Variants in CTBP1 observed in about 807,000 individuals in gnomAD.
The protein encoded by CTBP1 is C-terminal binding protein 1.
In CTBP1, 11 loss-of-function variants were observed where a neutral mutation model predicts 42.1. The ratio of observed to expected loss-of-function variants is 0.26; its 90% CI spans 0.16 to 0.43. CTBP1 has a LOEUF of 0.43. Ranked by LOEUF, CTBP1 falls within the 20% of genes least tolerant of loss-of-function variation. The pLI, the probability that CTBP1 is intolerant of heterozygous loss-of-function variation, is 1.00. For synonymous variants in CTBP1, 324 were observed against 277.1 expected (o/e 1.17, Z -1.68); for missense variants, 399 against 624.3 (o/e 0.64, Z 3.85).
intron 5 of CTBP1, among the ~76,000 whole-genome samples, chr4:1,220,125 C>T (rs968813223): frequency 6.6e-6 from 1 of 151,548 alleles, no homozygotes; most frequent in African/African-American, 2.4e-5. Flanking sequence ...TTGCTTGAAC[C>T]CAGGAAGTGG....
intron 2 of CTBP1, among the ~76,000 whole-genome samples, chr4:1,239,899 CAT>C (rs1464637432): frequency 6.6e-6 from 1 of 152,240 alleles, no homozygotes; most frequent in Non-Finnish European, 1.5e-5. Flanking sequence ...CCACGAGCAC[CAT>C]AGACAGGCCG....
chr4:1,243,435 G>T, intron 1 of CTBP1: 12 of 985,372 alleles, frequency 1.2e-5, no homozygotes, highest in Non-Finnish European at 1.4e-5. Flanking sequence ...ACTTCCTGTG[G>T]TTCCTTGTTC....
In CTBP1 at chr4:1,212,207, C is replaced by A. The variant is rs998478862; in HGVS notation, c.*33G>T. The stretch of plus-strand genomic sequence containing the variant: ...GGTCCGAGGGTTTCCGGGCCCTCTG[C>A]CCAGGCGCCGAGGCTGGAGAGCTCC... On this transcript the variant is annotated 3_prime_UTR_variant, in exon 10 of 10. Transcript: ENST00000382952. 2 of 1,408,550 alleles carry A rather than the reference C, an allele frequency of 1.4e-6. No homozygotes were observed. Among genetic ancestry groups the A allele is most frequent in the Non-Finnish European group, 1.9e-6 (2 of 1,077,038 alleles). The allele number at this position is 1,408,550 out of a possible 1,614,324, so 87.3% of individuals were successfully genotyped here.
chr4:1,225,024 C>T (rs1467582792), intron 5 of CTBP1, among the ~76,000 whole-genome samples: 3 of 151,216 alleles, frequency 2.0e-5, no homozygotes, highest in African/African-American at 7.3e-5. Flanking sequence ...CCATGAAGCC[C>T]ATGTGAGTGC....
At position 1,215,979 on chromosome 4, in the gene CTBP1, G is replaced by C. The variant is rs1273027967; in HGVS notation, c.729+12C>G. ...CGCAGAAGTAGAGTCCTGTGTCCCC[G>C]GCTCCACGCACCTGCTTGACGGTGA... is the stretch of plus-strand genomic sequence containing the variant. On this transcript the variant is annotated intron_variant, in intron 6 of 9. Transcript: ENST00000382952. The C allele has an allele frequency of 6.9e-6, 11 of 1,601,624 alleles. No homozygotes were observed. Among genetic ancestry groups the C allele is most frequent in the Non-Finnish European group, 9.4e-6 (11 of 1,175,724 alleles).
chr4:1,227,051 A>G (rs900624508), intron 4 of CTBP1, among the ~76,000 whole-genome samples: 1 of 152,156 alleles, frequency 6.6e-6, no homozygotes, highest in Admixed American at 6.5e-5. Flanking sequence ...AAACAGACCG[A>G]GCCTGGCAGA....
At chr4:1,224,601 T>C (rs1049247568) in intron 5 of CTBP1, among the ~76,000 whole-genome samples, 2 of 150,164 alleles carry the variant, frequency 1.3e-5, no homozygotes, top group African/African-American at 4.9e-5. Flanking sequence ...TGTGCCACGA[T>C]GTCTTGTGTG....
chr4:1,223,815 G>GCA (rs931312538), intron 5 of CTBP1, among the ~76,000 whole-genome samples: 11 of 152,010 alleles, frequency 7.2e-5, no homozygotes, highest in Admixed American at 3.9e-4. Flanking sequence ...TCTCACACAC[G>GCA]CACACACACA....
intron 1 of CTBP1, chr4:1,243,533 A>T: frequency 1.0e-6 from 1 of 985,366 alleles, no homozygotes. Flanking sequence ...GCCCTGGGGT[A>T]GGTCTGCCCA....
At chr4:1,214,007 G>C (rs1728829824) in intron 7 of CTBP1, 3 of 414,412 alleles carry the variant, frequency 7.2e-6, no homozygotes, top group Non-Finnish European at 1.3e-5. Flanking sequence ...TGCTGTAGGG[G>C]CTGCAGGTCT....
At chr4:1,248,836 C>T (rs1733054045) in intron 1 of CTBP1, 80 bp downstream of exon 1, 3 of 896,594 alleles carry the variant, frequency 3.3e-6, no homozygotes, top group South Asian at 1.0e-4. Context: ...CTCGGTCCGC[C>T]CCCGCGCCCC....
intron 8 of CTBP1, 101 bp downstream of exon 8, chr4:1,213,377 G>A: frequency 6.4e-7 from 1 of 1,560,970 alleles, no homozygotes; most frequent in South Asian, 1.1e-5. Flanking sequence ...GCCCTGAGCT[G>A]GCAGAACATG....
chr4:1,230,846 G>C (rs1482985992), intron 3 of CTBP1, among the ~76,000 whole-genome samples: 1 of 152,240 alleles, frequency 6.6e-6, no homozygotes, highest in Non-Finnish European at 1.5e-5. Context: ...AGGTAAGCTC[G>C]GAGAAGCCGA....
chr4:1,244,031 A>C (rs751098960), intron 1 of CTBP1: 14 of 985,446 alleles, frequency 1.4e-5, no homozygotes, highest in Non-Finnish European at 1.7e-5. Context: ...AACTGATTTT[A>C]AAGTAAATGG....
rs111349558 is a variant in CTBP1, at chr4:1,225,544, G to A, written c.330C>T (p.Pro110=). The A allele has an allele frequency of 1.1e-3, 1,674 of 1,542,486 alleles. 36 individuals are homozygous for A. In the South Asian group the frequency reaches 0.014, roughly 13 times the overall value. ...CGGCCGTCTCCTCCACAGACGCCGC[G>A]GGCACGTTGCAGACGGCAATGCCTG... ...GDLGIAVCNV[P]AASVEETADS... is the part of the protein sequence containing the mutation. Residue 110 remains proline (P), a synonymous_variant, in exon 5 of 10, where the codon CCC becomes CCT. Transcript: ENST00000382952.
Position 1,225,353 on chromosome 4 carries a change from G to C in CTBP1, c.514+7C>G, listed in dbSNP as rs201441952. On this transcript the variant is annotated splice_region_variant and intron_variant, in intron 5 of 9. Transcript: ENST00000382952. ...GGGACACAGGCGTGGAGCTGCGGCCGACGCACCAAGTCCGATGATGCCCAA... is the reference window on the plus strand; with the variant it reads ...GGGACACAGGCGTGGAGCTGCGGCCCACGCACCAAGTCCGATGATGCCCAA... 2.6e-6 allele frequency: 4 copies of C among 1,545,238 alleles called. No homozygotes were observed. The East Asian group carries it at 9.7e-5, about 38-fold the overall frequency.
At position 1,212,410 on chromosome 4, in the gene CTBP1, C is replaced by A; in HGVS notation, c.1120G>T (p.Val374Leu). The A allele has an allele frequency of 6.8e-7, 1 of 1,464,236 alleles. No homozygotes were observed. The highest frequency in any genetic ancestry group is 1.5e-5 in the African/African-American group (1 of 67,850). 90.7% of individuals were successfully genotyped at this position (1,464,236 alleles called of 1,614,324 possible). The change falls in exon 10 of 10, where the codon GTG (valine) becomes TTG (leucine). Residue 374 changes from valine (V) to leucine (L), a missense_variant. Val to Leu is a conservative substitution (Grantham distance 32). Transcript: ENST00000382952. ...ATGCCAGTGGGGGCCACGCCCACCA[C>A]GCCCGGAGGGTACCTGCTGGGAGAG... The part of the protein sequence containing the change: ...NGAAYRYPPG[V>L]VGVAPTGIPA...
intron 4 of CTBP1, 49 bp downstream of exon 4, chr4:1,228,150 G>T: frequency 6.2e-7 from 1 of 1,603,712 alleles, no homozygotes; most frequent in Non-Finnish European, 8.5e-7. Flanking sequence ...AGCAAGACGG[G>T]ACGGAGCTTG....
rs1560275059 is a variant in CTBP1, at chr4:1,238,388, T to C, written c.8-51A>G. The C allele has an allele frequency of 2.0e-6, 3 of 1,505,114 alleles. No individual in the cohort carries two copies. The highest frequency in any genetic ancestry group is 2.2e-5 in the Admixed American group (1 of 45,450). The allele number at this position is 1,505,114 out of a possible 1,614,324, so 93.2% of individuals were successfully genotyped here. A position where few individuals can be genotyped will look rare whatever the true frequency, so the allele number is the denominator to read the frequency against. On this transcript the variant is annotated intron_variant, in intron 2 of 9. Transcript: ENST00000382952. This position sits in a 1 kb window ranked among gnomAD's most constrained non-coding sequence, Gnocchi z 5.9. The stretch of plus-strand genomic sequence containing the variant: ...CCTTGCACCACTGCGGCCCCGTGGC[T>C]ACAACCCACTCCACGCCACCCACTG...
Sources: allele counts gnomAD v4.1 joint callset (sites outside exome capture counted in the v4.1 genomes callset), GRCh38; gene constraint gnomAD v4.1.1; non-coding constraint Gnocchi (gnomAD v3.1); transcripts MANE v1.5; gene names NCBI Gene and HGNC (gene_info 2026-07-23, HGNC 2026-07-21).